The following LRCH1 variants were observed in gnomAD, a reference collection of about 807,000 sequenced individuals.
The protein encoded by LRCH1 is leucine rich repeats and calponin homology domain containing 1.
Under a neutral mutation model 94.9 loss-of-function variants are expected in LRCH1, and 23 were observed. That is an observed-to-expected ratio of 0.24 (90% confidence interval 0.17 to 0.34). LRCH1 has a LOEUF of 0.34. Ranked by LOEUF, LRCH1 falls within the 10% of genes least tolerant of loss-of-function variation. The pLI is 1.00. For synonymous variants in LRCH1, 364 were observed against 354.9 expected (o/e 1.03, Z -0.29); for missense variants, 790 against 945.9 (o/e 0.84, Z 2.16).
At chr13:46,741,615 C>A in intron 19 of LRCH1, 27 bp from the exon 20 acceptor site, 1 of 1,613,912 alleles carries the variant, frequency 6.2e-7, no homozygotes, top group Non-Finnish European at 8.5e-7. Flanking sequence ...CTGTCTCTTT[C>A]TGTTCTAATG....
At chr13:46,598,468 A>G (rs1379957753) in intron 1 of LRCH1, among the ~76,000 whole-genome samples, 2 of 152,110 alleles carry the variant, frequency 1.3e-5, no homozygotes, top group African/African-American at 2.4e-5. Flanking sequence ...GTTCAAGAAA[A>G]AACAATTCAA....
At chr13:46,684,903 A>G (rs1306023810) in intron 4 of LRCH1, among the ~76,000 whole-genome samples, 1 of 152,250 alleles carries the variant, frequency 6.6e-6, no homozygotes, top group Non-Finnish European at 1.5e-5. Context: ...GACATAACGT[A>G]GCTGAGTAAA....
chr13:46,604,907 G>T (rs1030627170), intron 1 of LRCH1, among the ~76,000 whole-genome samples: 1 of 152,230 alleles, frequency 6.6e-6, no homozygotes, highest in Non-Finnish European at 1.5e-5. Context: ...GGGCATCGGA[G>T]AATGTTCTCA....
rs374400614 is a variant in LRCH1, at chr13:46,743,378, G to GT, written c.*1538dup. The GT allele has an allele frequency of 6.1e-6, 6 of 985,530 alleles. No individual in the cohort carries two copies. Among genetic ancestry groups the GT allele is most frequent in the Non-Finnish European group, 7.2e-6 (6 of 829,822 alleles). 61.0% of individuals were successfully genotyped at this position (985,530 alleles called of 1,614,324 possible). On this transcript the variant is annotated 3_prime_UTR_variant, in exon 20 of 20. Coordinates refer to ENST00000389797, the MANE Select transcript of LRCH1 (RefSeq NM_001164211.2). ...CATGACAGTATCTTGAGTTATGTGA[G>GT]TTTTTTTTCCTCCTGACTTTGTGTT...
At chr13:46,617,047 G>A (rs1188868263) in intron 1 of LRCH1, among the ~76,000 whole-genome samples, 2 of 152,184 alleles carry the variant, frequency 1.3e-5, no homozygotes, top group Non-Finnish European at 1.5e-5. Context: ...CTTCTTTTGT[G>A]GATCTTCAGT....
rs572550314 is a variant in LRCH1 at position 46,742,339 on chromosome 13, A to G, written c.*491A>G. On this transcript the variant is annotated 3_prime_UTR_variant, in exon 20 of 20. Transcript: ENST00000389797. ...GACAGAAAACTAACATTTTGGCCCA[A>G]CTTGATCTATACAAAACTTTAATAA... 13 of 1,002,816 alleles carry G rather than the reference A, an allele frequency of 1.3e-5. No individual in the cohort carries two copies. The African/African-American group carries it at 1.9e-4, about 15-fold the overall frequency. The allele number at this position is 1,002,816 out of a possible 1,614,324, so 62.1% of individuals were successfully genotyped here.
intron 2 of LRCH1, among the ~76,000 whole-genome samples, chr13:46,652,382 ATTTGTTTTT>A (rs1004950985): frequency 2.3e-4 from 26 of 111,898 alleles, no homozygotes; most frequent in Admixed American, 6.7e-4. Context: ...GGCCAAGTGT[ATTTGTTTTT>A]TTTGTTTTTT....
chr13:46,700,384 G>A (rs1871400469), intron 10 of LRCH1, among the ~76,000 whole-genome samples: 1 of 152,108 alleles, frequency 6.6e-6, no homozygotes, highest in Admixed American at 6.5e-5. Flanking sequence ...TTCCTCTCTG[G>A]TCACGGTCTG....
At chr13:46,750,614 A>G (rs1004710452) in exon 19 of LRCH1, 12 of 1,551,802 alleles carry the variant, frequency 7.7e-6, no homozygotes, top group Non-Finnish European at 1.0e-5. Context: ...TTCAAGCATT[A>G]CTAGACATCA....
intron 16 of LRCH1, among the ~76,000 whole-genome samples, chr13:46,722,187 T>C (rs1872611490): frequency 6.6e-6 from 1 of 152,196 alleles, no homozygotes; most frequent in African/African-American, 2.4e-5. Context: ...TTCTGTAACT[T>C]CAGTACACCA....
At chr13:46,678,530 A>G (rs976854693) in intron 3 of LRCH1, among the ~76,000 whole-genome samples, 5 of 152,224 alleles carry the variant, frequency 3.3e-5, no homozygotes, top group African/African-American at 1.2e-4. Context: ...TACTATTAAA[A>G]TAATTTGACC....
chr13:46,743,691 C>T lies in LRCH1; in HGVS notation c.*1843C>T, dbSNP rs1593391298. The T allele has an allele frequency of 6.1e-6, 6 of 984,818 alleles. No homozygotes were observed. In the East Asian group the frequency reaches 6.8e-4, roughly 112 times the overall value. The allele number at this position is 984,818 out of a possible 1,614,324, so 61.0% of individuals were successfully genotyped here. ...TGCATTGAGGCTTCTCTTTAATGGT[C>T]ACCACTGTGGTGGTTTTTCCCTTCT... On this transcript the variant is annotated 3_prime_UTR_variant, in exon 20 of 20. Coordinates refer to ENST00000389797, the MANE Select transcript of LRCH1 (RefSeq NM_001164211.2).
At chr13:46,603,743 A>G (rs1185047005) in intron 1 of LRCH1, among the ~76,000 whole-genome samples, 3 of 152,140 alleles carry the variant, frequency 2.0e-5, no homozygotes, top group East Asian at 1.9e-4. Context: ...TGCAGCCTCA[A>G]TCTCCTGGGC....
chr13:46,733,542 G>T (rs1384676404), intron 18 of LRCH1, among the ~76,000 whole-genome samples: 1 of 151,992 alleles, frequency 6.6e-6, no homozygotes, highest in African/African-American at 2.4e-5. Flanking sequence ...GTGTGTGTGT[G>T]CATATATATA....
chr13:46,660,755 A>T (rs1276876251), intron 2 of LRCH1, among the ~76,000 whole-genome samples: 5 of 152,030 alleles, frequency 3.3e-5, no homozygotes, highest in African/African-American at 1.2e-4. Flanking sequence ...TTTGGTCTTC[A>T]ATCTTCTCTC....
intron 1 of LRCH1, among the ~76,000 whole-genome samples, chr13:46,568,117 A>G (rs1174739964): frequency 6.6e-6 from 1 of 152,078 alleles, no homozygotes; most frequent in Non-Finnish European, 1.5e-5. Context: ...GGATAAGAAA[A>G]GGCTTTTGGA....
At chr13:46,620,216 C>A (rs931970481) in intron 1 of LRCH1, among the ~76,000 whole-genome samples, 1 of 152,100 alleles carries the variant, frequency 6.6e-6, no homozygotes, top group Non-Finnish European at 1.5e-5. Context: ...CTTCTGCATA[C>A]TACCAATACA....
chr13:46,638,309 T>A (rs2051116786), intron 1 of LRCH1, among the ~76,000 whole-genome samples: 1 of 152,264 alleles, frequency 6.6e-6, no homozygotes, highest in Admixed American at 6.5e-5. Context: ...CTTTGAGGGT[T>A]ACTTTTTTTG....
chr13:46,692,387 A>G (rs1870943585), intron 7 of LRCH1, 149 bp from the exon 8 acceptor site: 1 of 561,746 alleles, frequency 1.8e-6, no homozygotes, highest in South Asian at 2.6e-5. Flanking sequence ...TTTTGAACTT[A>G]CATAAGTGGA....
Sources: gnomAD v4.1 joint callset for allele counts (sites outside exome capture counted in the v4.1 genomes callset) on GRCh38, gnomAD v4.1.1 for gene constraint, MANE v1.5 for transcripts, NCBI Gene and HGNC (gene_info 2026-07-23, HGNC 2026-07-21) for gene names.